RANBP2: variants seen among roughly 807,000 people sequenced by gnomAD.
RANBP2 encodes the protein E3 SUMO-protein ligase RanBP2.
In RANBP2, 57 loss-of-function variants were observed where a neutral mutation model predicts 303.6. The observed-to-expected ratio is 0.19, with a 90% CI of 0.15 to 0.23. RANBP2 has a LOEUF of 0.23. Among genes scored for constraint, RANBP2 ranks in the 10% least tolerant of loss-of-function variants. The pLI is 1.00. For missense variants in RANBP2, 3,138 were observed against 3,780.8 expected (o/e 0.83, Z 4.46); for synonymous variants, 1,167 against 1,301.5 (o/e 0.90, Z 2.23).
the RANBP2 span, chr2:109,313,622 G>C: frequency 6.5e-6 from 1 of 155,022 alleles, no homozygotes; most frequent in African/African-American, 2.4e-5. Context: ...CCGGCCAGCA[G>C]TGGGGCTCAC....
chr2:108,886,416 CTTTA>C, the RANBP2 span, among the ~76,000 whole-genome samples: 3 of 152,020 alleles, frequency 2.0e-5, no homozygotes, highest in East Asian at 1.9e-4. Context: ...CCTTTGCCCA[CTTTA>C]TTTATTTTTT....
chr2:109,631,093 A>G, the RANBP2 span, among the ~76,000 whole-genome samples: 4 of 152,182 alleles, frequency 2.6e-5, no homozygotes, highest in East Asian at 1.9e-4. Flanking sequence ...AACAGAAAGT[A>G]TCCAAGATTA....
the RANBP2 span, among the ~76,000 whole-genome samples, chr2:109,596,880 G>C: frequency 6.6e-6 from 1 of 151,958 alleles, no homozygotes; most frequent in Non-Finnish European, 1.5e-5. Context: ...AGTACTACTT[G>C]GTCAGTTAAA....
the RANBP2 span, among the ~76,000 whole-genome samples, chr2:109,172,140 G>T: frequency 6.6e-6 from 1 of 152,204 alleles, no homozygotes; most frequent in Non-Finnish European, 1.5e-5. Context: ...GTGGGGAGCA[G>T]GTCTCCCGGA....
In RANBP2 at chr2:108,772,902, G is replaced by T. The variant is rs755984754; in HGVS notation, c.8148G>T (p.Lys2716Asn). The T allele has an allele frequency of 3.1e-6, 5 of 1,613,788 alleles. No homozygotes were observed. Among genetic ancestry groups the T allele is most frequent in the Admixed American group, 1.7e-5 (1 of 59,980 alleles). ...AAGAATGTATTATTGTTTGGGAAAA[G>T]AAACCAACAGTTGAAGAGAAGGCAA... ...NEKECIIVWE[K>N]KPTVEEKAKA... The change falls in exon 23 of 29, where the codon AAG (lysine) becomes AAT (asparagine). Residue 2716 changes from lysine (K) to asparagine (N), a missense_variant. Around this residue, in one of 20 missense-constraint regions of RANBP2, gnomAD observed 497 missense variants for 465.8 expected, o/e 1.07. Coordinates refer to ENST00000283195, the MANE Select transcript of RANBP2 (RefSeq NM_006267.5).
the RANBP2 span, chr2:109,313,699 C>G: frequency 6.5e-6 from 1 of 154,916 alleles, no homozygotes; most frequent in African/African-American, 2.4e-5. Context: ...TGGAGAGAGA[C>G]TGATTCTCTG....
At chr2:109,267,721 T>G in the RANBP2 span, among the ~76,000 whole-genome samples, 1 of 152,132 alleles carries the variant, frequency 6.6e-6, no homozygotes, top group Admixed American at 6.5e-5. Context: ...CTCCCTTCCC[T>G]GTTTCTCAGT....
chr2:109,106,501 C>T, the RANBP2 span, among the ~76,000 whole-genome samples: 2 of 152,180 alleles, frequency 1.3e-5, no homozygotes, highest in Admixed American at 6.5e-5. Flanking sequence ...CATCTTCTCT[C>T]ATGTGTCAAC....
the RANBP2 span, among the ~76,000 whole-genome samples, chr2:108,800,638 T>TTTTTA: frequency 2.6e-4 from 19 of 73,768 alleles, 3 homozygotes; most frequent in African/African-American, 4.6e-4. Context: ...TTTTTTTTTT[T>TTTTTA]AATTATACTT....
intron 3 of RANBP2, 75 bp downstream of exon 3, chr2:108,730,960 C>G: frequency 6.7e-7 from 1 of 1,491,512 alleles, no homozygotes; most frequent in Non-Finnish European, 9.3e-7. Flanking sequence ...ATAAGTAAGT[C>G]AAATATATTT....
the RANBP2 span, among the ~76,000 whole-genome samples, chr2:109,337,662 A>C: frequency 1.3e-5 from 2 of 150,962 alleles, no homozygotes; most frequent in African/African-American, 4.9e-5. Flanking sequence ...TGGCTGTGCC[A>C]TATGCTATCA....
the RANBP2 span, among the ~76,000 whole-genome samples, chr2:109,248,769 T>TC: frequency 6.6e-6 from 1 of 151,434 alleles, no homozygotes; most frequent in Admixed American, 6.6e-5. Context: ...TCTCTCTCTC[T>TC]TTCTCTTCTT....
intron 7 of RANBP2, among the ~76,000 whole-genome samples, chr2:108,742,990 C>T (rs531218867): frequency 1.3e-5 from 2 of 152,234 alleles, no homozygotes; most frequent in South Asian, 4.1e-4. Context: ...GGGGTTTCAC[C>T]ATGTTAGCCA....
the RANBP2 span, chr2:109,127,518 T>C: frequency 6.6e-6 from 1 of 152,228 alleles, no homozygotes; most frequent in Non-Finnish European, 1.5e-5. Context: ...CAAGTATGAA[T>C]ATCACTTTCC....
the RANBP2 span, among the ~76,000 whole-genome samples, chr2:109,130,960 A>C: frequency 1.3e-5 from 2 of 152,132 alleles, no homozygotes; most frequent in Admixed American, 1.3e-4. Flanking sequence ...TGAGAAAAGA[A>C]AGGACCCGGG....
chr2:109,445,382 GAACTTA>G, the RANBP2 span, among the ~76,000 whole-genome samples: 81 of 152,258 alleles, frequency 5.3e-4, no homozygotes, highest in East Asian at 7.7e-4. Context: ...TAAACATGCT[GAACTTA>G]AACTTAAAGC....
the RANBP2 span, among the ~76,000 whole-genome samples, chr2:109,171,457 C>T: frequency 2.6e-5 from 4 of 152,262 alleles, no homozygotes; most frequent in African/African-American, 9.6e-5. Flanking sequence ...TGCTTCCCCT[C>T]CTGCTCCACG....
the RANBP2 span, chr2:108,896,124 A>G: frequency 6.6e-6 from 1 of 152,270 alleles, no homozygotes; most frequent in Non-Finnish European, 1.5e-5. Context: ...AATGCAGTAA[A>G]TGAAATTGGC....
chr2:109,648,512 T>A, the RANBP2 span, among the ~76,000 whole-genome samples: 1 of 151,932 alleles, frequency 6.6e-6, no homozygotes, highest in Admixed American at 6.6e-5. Flanking sequence ...CCCGGCTAAT[T>A]TTGTATTTTT....
Sources: allele counts gnomAD v4.1 joint callset (sites outside exome capture counted in the v4.1 genomes callset), GRCh38; gene constraint gnomAD v4.1.1; regional missense constraint gnomAD v4.1.1; transcripts MANE v1.5; gene names NCBI Gene and HGNC (gene_info 2026-07-23, HGNC 2026-07-21).